The following STXBP5L variants were observed in gnomAD, a reference collection of about 807,000 sequenced individuals.
The protein encoded by STXBP5L is syntaxin-binding protein 5-like.
A neutral mutation model predicts 144.5 loss-of-function variants in STXBP5L; 65 were observed. That is an observed-to-expected ratio of 0.45 (90% CI 0.37 to 0.55). The LOEUF (loss-of-function observed/expected upper bound fraction) is 0.55, where lower values mean the gene tolerates loss of function less well. Among genes scored for constraint, STXBP5L ranks in the 20% least tolerant of loss-of-function variants. STXBP5L has a pLI of 0.00. For synonymous variants in STXBP5L, 505 were observed against 469.6 expected, an observed-to-expected ratio of 1.08 and a Z score of -0.97; for missense variants, 1,298 against 1,405.5, an observed-to-expected ratio of 0.92 and a Z score of 1.22.
At chr3:121,059,472 A>T (rs548512698) in intron 5 of STXBP5L, among the ~76,000 whole-genome samples, 12 of 152,224 alleles carry the variant, frequency 7.9e-5, no homozygotes, top group Admixed American at 3.3e-4. Context: ...GTTTGGTTCT[A>T]TATGAAATTT....
At chr3:120,940,258 G>A (rs940130921) in intron 2 of STXBP5L, among the ~76,000 whole-genome samples, 1 of 151,982 alleles carries the variant, frequency 6.6e-6, no homozygotes, top group African/African-American at 2.4e-5. Context: ...TAAATACTCT[G>A]GGGAGAGAAG....
intron 3 of STXBP5L, among the ~76,000 whole-genome samples, chr3:121,029,885 C>A (rs764679682): frequency 1.8e-4 from 27 of 151,686 alleles, no homozygotes; most frequent in Non-Finnish European, 3.7e-4. Context: ...ACAGAGACTT[C>A]TCAAAAGAAG....
intron 7 of STXBP5L, among the ~76,000 whole-genome samples, chr3:121,129,673 A>C (rs755765143): frequency 9.2e-5 from 14 of 152,088 alleles, no homozygotes; most frequent in Non-Finnish European, 2.1e-4. Flanking sequence ...CTCCAGGACT[A>C]TGTTATTTTT....
At chr3:121,402,763 T>C (rs964552758) in intron 22 of STXBP5L, among the ~76,000 whole-genome samples, 1 of 152,174 alleles carries the variant, frequency 6.6e-6, no homozygotes, top group African/African-American at 2.4e-5. Context: ...TCCTTGCCCC[T>C]GCACTCCTGG....
chr3:121,180,058 A>G (rs1241745540), intron 9 of STXBP5L, among the ~76,000 whole-genome samples: 1 of 152,222 alleles, frequency 6.6e-6, no homozygotes, highest in Non-Finnish European at 1.5e-5. Flanking sequence ...CTAGAGATCT[A>G]GACATCCAAA....
chr3:121,170,076 C>T (rs1016674944), intron 9 of STXBP5L, among the ~76,000 whole-genome samples: 1 of 152,178 alleles, frequency 6.6e-6, no homozygotes, highest in Non-Finnish European at 1.5e-5. Flanking sequence ...GGAAACTTAA[C>T]AACGTGCTCC....
intron 6 of STXBP5L, among the ~76,000 whole-genome samples, chr3:121,120,334 C>T (rs2044403057): frequency 6.6e-6 from 1 of 151,160 alleles, no homozygotes; most frequent in African/African-American, 2.4e-5. Flanking sequence ...TGATATGTTA[C>T]ATATAAATGT....
intron 11 of STXBP5L, among the ~76,000 whole-genome samples, chr3:121,232,341 G>A (rs2049336079): frequency 1.3e-5 from 2 of 152,078 alleles, no homozygotes; most frequent in Non-Finnish European, 1.5e-5. Flanking sequence ...AGTGGAAGTT[G>A]ATAAGAAAGG....
At chr3:121,390,288 T>C (rs1017445735) in intron 22 of STXBP5L, among the ~76,000 whole-genome samples, 12 of 152,124 alleles carry the variant, frequency 7.9e-5, no homozygotes, top group African/African-American at 2.9e-4. Context: ...CGTCTTTGCA[T>C]GTGAGATGGG....
chr3:121,007,396 A>C (rs1025543584), intron 3 of STXBP5L, among the ~76,000 whole-genome samples: 1 of 151,960 alleles, frequency 6.6e-6, no homozygotes, highest in South Asian at 2.1e-4. Context: ...CTGGCCTCAA[A>C]TTTAATTGAG....
intron 19 of STXBP5L, among the ~76,000 whole-genome samples, chr3:121,286,055 A>G (rs1382844304): frequency 3.3e-5 from 5 of 152,156 alleles, no homozygotes; most frequent in African/African-American, 1.2e-4. Context: ...AAAAACTGAT[A>G]TTATGCCATT....
rs1371482219 is a variant in STXBP5L at position 121,037,254 on chromosome 3, T to C, written c.288-4446T>C. Among the ~76,000 whole-genome samples, 4 of 150,358 alleles carry C rather than the reference T, an allele frequency of 2.7e-5. No homozygotes were observed. In the Admixed American group the frequency reaches 2.7e-4, roughly 10 times the overall value. ...GGTTTTTTTTTTTTCTGTCTTTTTC[T>C]TTTCTTTTTTTTTTGAAAGGCTCTA... On this transcript the variant is annotated intron_variant, in intron 3 of 26. Transcript: ENST00000471454.
intron 18 of STXBP5L, among the ~76,000 whole-genome samples, chr3:121,273,540 A>G (rs908393249): frequency 2.6e-5 from 4 of 151,924 alleles, no homozygotes; most frequent in South Asian, 2.1e-4. Flanking sequence ...CTGGATATGT[A>G]TATTTCTCTC....
intron 7 of STXBP5L, among the ~76,000 whole-genome samples, chr3:121,135,233 G>C (rs2045192203): frequency 6.6e-6 from 1 of 152,056 alleles, no homozygotes; most frequent in Non-Finnish European, 1.5e-5. Context: ...CATATCCTTT[G>C]CCCACTTTTT....
intron 5 of STXBP5L, among the ~76,000 whole-genome samples, chr3:121,092,104 C>A (rs2042837286): frequency 6.6e-6 from 1 of 152,068 alleles, no homozygotes; most frequent in East Asian, 1.9e-4. Flanking sequence ...AGCGTTATTT[C>A]TGAGGGCTCT....
At chr3:120,976,061 A>T (rs1940961768) in intron 3 of STXBP5L, among the ~76,000 whole-genome samples, 1 of 152,198 alleles carries the variant, frequency 6.6e-6, no homozygotes, top group African/African-American at 2.4e-5. Context: ...TGGCCTCATA[A>T]AATGAGTTAG....
chr3:121,327,496 A>G (rs2044187405), intron 20 of STXBP5L, among the ~76,000 whole-genome samples: 2 of 152,200 alleles, frequency 1.3e-5, no homozygotes, highest in South Asian at 4.1e-4. Flanking sequence ...GTATTTTGCC[A>G]TCAGTGAATA....
At chr3:121,378,970 C>T in intron 21 of STXBP5L, 84 bp downstream of exon 21, 1 of 1,377,792 alleles carries the variant, frequency 7.3e-7, no homozygotes, top group Non-Finnish European at 9.8e-7. Flanking sequence ...GGATGGAGAT[C>T]ACATATGAAA....
chr3:120,971,085 C>T (rs2107794464), intron 3 of STXBP5L, among the ~76,000 whole-genome samples: 1 of 152,208 alleles, frequency 6.6e-6, no homozygotes, highest in South Asian at 2.1e-4. Context: ...TTAATTCTGA[C>T]ATTTTAGTTA....
Sources: allele counts gnomAD v4.1 joint callset (sites outside exome capture counted in the v4.1 genomes callset), GRCh38; gene constraint gnomAD v4.1.1; transcripts MANE v1.5; gene names NCBI Gene and HGNC (gene_info 2026-07-23, HGNC 2026-07-21).